The following RAB27B variants were observed in gnomAD, a reference collection of about 807,000 sequenced individuals.
RAB27B encodes the protein ras-related protein Rab-27B.
A neutral mutation model predicts 24.6 loss-of-function variants in RAB27B; 15 were observed. That is an observed-to-expected ratio of 0.61 (90% CI 0.41 to 0.94). The LOEUF (loss-of-function observed/expected upper bound fraction) is 0.94, where lower values mean the gene tolerates loss of function less well. RAB27B is among the 40% of genes least tolerant of loss of function. The pLI, the probability that RAB27B is intolerant of heterozygous loss-of-function variation, is 0.00. For synonymous variants in RAB27B, 105 were observed against 92.5 expected (o/e 1.14, Z -0.78); for missense variants, 261 against 266.8 (o/e 0.98, Z 0.15).
chr18:54,811,412 CAA>C (rs1312881785), intron 2 of RAB27B, among the ~76,000 whole-genome samples: 2 of 152,132 alleles, frequency 1.3e-5, no homozygotes, highest in African/African-American at 4.8e-5. Context: ...TGGGACAACT[CAA>C]GAGGGCAGGA....
At chr18:54,721,483 G>A (rs1909356564) in intron 2 of RAB27B, among the ~76,000 whole-genome samples, 1 of 152,110 alleles carries the variant, frequency 6.6e-6, no homozygotes, top group African/African-American at 2.4e-5. Flanking sequence ...TTTGCAGGCT[G>A]GAATCAGTGT....
rs188273873 is a variant in RAB27B, at chr18:54,843,637, A to G, written c.-20+14937A>G. Among the ~76,000 whole-genome samples, 7 of 152,328 alleles carry G rather than the reference A, an allele frequency of 4.6e-5. No individual in the cohort carries two copies. The East Asian group carries it at 1.3e-3, about 29-fold the overall frequency. On this transcript the variant is annotated intron_variant, in intron 1 of 5. Transcript: ENST00000262094. ...TGGGCCAAGGGTCTGATGTCAACCT[A>G]TTATAAAAGAAAGCAGAGCAAACTG...
intron 2 of RAB27B, among the ~76,000 whole-genome samples, chr18:54,774,068 A>G (rs1292057947): frequency 6.6e-6 from 1 of 152,226 alleles, no homozygotes; most frequent in African/African-American, 2.4e-5. Context: ...TTCAAATAAT[A>G]ACCAGAGACG....
intron 2 of RAB27B, among the ~76,000 whole-genome samples, chr18:54,785,329 T>C (rs942663221): frequency 2.6e-5 from 4 of 151,994 alleles, no homozygotes; most frequent in East Asian, 3.9e-4. Flanking sequence ...CTTGAACTCC[T>C]GACCTCAAAT....
intron 2 of RAB27B, among the ~76,000 whole-genome samples, chr18:54,726,731 C>T (rs1909550197): frequency 1.3e-5 from 2 of 151,508 alleles, no homozygotes; most frequent in Non-Finnish European, 1.5e-5. Context: ...TTTGTATAAA[C>T]ACTTCTACCT....
intron 1 of RAB27B, among the ~76,000 whole-genome samples, chr18:54,864,316 T>C (rs1912125269): frequency 6.6e-6 from 1 of 152,200 alleles, no homozygotes; most frequent in Admixed American, 6.5e-5. Flanking sequence ...AAGATATCTC[T>C]TCAAAGCCTT....
At chr18:54,865,237 T>TGTG (rs1912166481) in intron 1 of RAB27B, among the ~76,000 whole-genome samples, 18 of 143,486 alleles carry the variant, frequency 1.3e-4, no homozygotes, top group Admixed American at 2.1e-4. Flanking sequence ...CAATGGCCTT[T>TGTG]TGTGTGTGTG....
intron 2 of RAB27B, among the ~76,000 whole-genome samples, chr18:54,744,068 A>G (rs1038635119): frequency 6.6e-6 from 1 of 152,188 alleles, no homozygotes; most frequent in Admixed American, 6.5e-5. Flanking sequence ...TCTTTTTACC[A>G]TTGTACTAAC....
intron 2 of RAB27B, among the ~76,000 whole-genome samples, chr18:54,718,907 T>G (rs1268549677): frequency 6.6e-6 from 1 of 152,196 alleles, no homozygotes; most frequent in Non-Finnish European, 1.5e-5. Flanking sequence ...CTTTAAAGCC[T>G]TCCCAAACTG....
At chr18:54,850,634 G>C (rs1266281768) in intron 1 of RAB27B, among the ~76,000 whole-genome samples, 1 of 151,278 alleles carries the variant, frequency 6.6e-6, no homozygotes, top group Non-Finnish European at 1.5e-5. Context: ...CCAAAGTGTT[G>C]GGATTGCAGG....
intron 1 of RAB27B, among the ~76,000 whole-genome samples, chr18:54,860,414 G>A (rs549837620): frequency 6.6e-5 from 10 of 152,056 alleles, no homozygotes; most frequent in South Asian, 2.1e-4. Context: ...AATGACACTC[G>A]TGCACATTCT....
chr18:54,864,600 A>G (rs990276106), intron 1 of RAB27B, among the ~76,000 whole-genome samples: 1 of 151,900 alleles, frequency 6.6e-6, no homozygotes, highest in Non-Finnish European at 1.5e-5. Context: ...TAGCTCTTAT[A>G]TTTAGGTCTA....
At chr18:54,794,316 C>A (rs767459168) in intron 2 of RAB27B, among the ~76,000 whole-genome samples, 1 of 152,138 alleles carries the variant, frequency 6.6e-6, no homozygotes, top group Admixed American at 6.5e-5. Context: ...GCTAGGTGAA[C>A]ACATTTGCAT....
intron 2 of RAB27B, among the ~76,000 whole-genome samples, chr18:54,745,901 C>T (rs11877434): frequency 0.04 from 5,899 of 148,348 alleles, 183 homozygotes; most frequent in Admixed American, 0.079. Context: ...TTATTAGCTA[C>T]ACTGCTGGCC....
chr18:54,890,441 A>G lies in RAB27B; in HGVS notation c.*1028A>G, dbSNP rs1913323723. On this transcript the variant is annotated 3_prime_UTR_variant, in exon 6 of 6. Coordinates refer to ENST00000262094, the MANE Select transcript of RAB27B (RefSeq NM_004163.4). ...TTTTTTTAGATAAAATAAGATGGTG[A>G]TATGAAACAAAAAGTGGCAATTATT... 2 of 152,182 alleles carry G rather than the reference A, an allele frequency of 1.3e-5. No homozygotes were observed. Among genetic ancestry groups the G allele is most frequent in the Non-Finnish European group, 2.9e-5 (2 of 68,018 alleles). The allele number at this position is 152,182 out of a possible 1,614,324, so 9.4% of individuals were successfully genotyped here. A position where few individuals can be genotyped will look rare whatever the true frequency, so the allele number is the denominator to read the frequency against.
In RAB27B at chr18:54,836,041, T is replaced by C. The variant is rs191049801; in HGVS notation, c.-20+7341T>C. On this transcript the variant is annotated intron_variant, in intron 1 of 5. Transcript: ENST00000262094. ...TATTTAGATAAAGGTGAGGAGGAGA[T>C]GAAAAATGGATAAAGACAGAACATA... Among the ~76,000 whole-genome samples the C allele has an allele frequency of 3.3e-5, 5 of 151,974 alleles. No homozygotes were observed. In the East Asian group the frequency reaches 5.8e-4, roughly 18 times the overall value.
intron 2 of RAB27B, among the ~76,000 whole-genome samples, chr18:54,805,685 G>A (rs1166057370): frequency 3.3e-5 from 5 of 152,184 alleles, no homozygotes; most frequent in Non-Finnish European, 5.9e-5. Flanking sequence ...TGAAAGTACA[G>A]TACAGGTTCT....
At chr18:54,727,969 ACT>A (rs942901504) in intron 2 of RAB27B, among the ~76,000 whole-genome samples, 49 of 152,246 alleles carry the variant, frequency 3.2e-4, no homozygotes, top group South Asian at 1.9e-3. Context: ...ACAGCTAAAA[ACT>A]CTGCATAAAA....
intron 1 of RAB27B, among the ~76,000 whole-genome samples, chr18:54,849,115 G>A (rs146791876): frequency 1.3e-5 from 2 of 152,066 alleles, no homozygotes; most frequent in South Asian, 4.1e-4. Context: ...CAGAAACGTC[G>A]ATGTAATGGG....
Sources: allele counts gnomAD v4.1 joint callset (sites outside exome capture counted in the v4.1 genomes callset), GRCh38; gene constraint gnomAD v4.1.1; transcripts MANE v1.5; gene names NCBI Gene and HGNC (gene_info 2026-07-23, HGNC 2026-07-21).